Variants in SNX25 observed in about 807,000 individuals in gnomAD.
SNX25 encodes the protein sorting nexin-25.
Under a neutral mutation model 113.7 loss-of-function variants are expected in SNX25, and 62 were observed. That is an observed-to-expected ratio of 0.55 (90% confidence interval 0.44 to 0.67). The LOEUF (loss-of-function observed/expected upper bound fraction) is 0.67. SNX25 is among the 30% of genes least tolerant of loss of function. The pLI, the probability that SNX25 is intolerant of heterozygous loss-of-function variation, is 0.00. For synonymous variants in SNX25, 421 were observed against 436.2 expected (o/e 0.97, Z 0.43); for missense variants, 1,014 against 1,161.0 (o/e 0.87, Z 1.84).
intron 14 of SNX25, among the ~76,000 whole-genome samples, chr4:185,352,046 C>G (rs552211818): frequency 1.8e-4 from 28 of 152,026 alleles, no homozygotes; most frequent in Non-Finnish European, 4.0e-4. Flanking sequence ...TGGGGAGGGG[C>G]AAGGTTCACG....
At position 185,215,674 on chromosome 4, in the gene SNX25, G is replaced by A. The variant is rs114343930; in HGVS notation, c.429+5419G>A. Reference sequence around the variant, plus strand: ...TTTACTGTCTTTAGAATATTCTTTTGCGTTTTAACTGGGGGATTTCAGTCA... The same window carrying A: ...TTTACTGTCTTTAGAATATTCTTTTACGTTTTAACTGGGGGATTTCAGTCA... On this transcript the variant is annotated intron_variant, in intron 1 of 18. Coordinates refer to ENST00000652585, the MANE Select transcript of SNX25 (RefSeq NM_001378034.2). Among the ~76,000 whole-genome samples the A allele has an allele frequency of 4.0e-3, 614 of 152,032 alleles. 4 individuals are homozygous for A. Among genetic ancestry groups the A allele is most frequent in the African/African-American group, 0.014 (592 of 41,464 alleles).
chr4:185,212,737 T>A (rs925764513), intron 1 of SNX25, among the ~76,000 whole-genome samples: 1 of 152,206 alleles, frequency 6.6e-6, no homozygotes, highest in African/African-American at 2.4e-5. Flanking sequence ...GTCAGTGCTG[T>A]GGGAGCTGGA....
At chr4:185,234,828 G>A (rs72708019) in intron 1 of SNX25, among the ~76,000 whole-genome samples, 15,277 of 152,052 alleles carry the variant, frequency 0.1, 869 homozygotes, top group Non-Finnish European at 0.13. Flanking sequence ...AATTTAAATA[G>A]TGCAGACATT....
intron 9 of SNX25, among the ~76,000 whole-genome samples, chr4:185,327,899 C>T (rs1248959574): frequency 6.6e-6 from 1 of 152,122 alleles, no homozygotes; most frequent in Non-Finnish European, 1.5e-5. Flanking sequence ...TTATAGTATT[C>T]GGCAGAGATA....
chr4:185,315,292 AT>A (rs56655112), intron 7 of SNX25, among the ~76,000 whole-genome samples: 21,218 of 119,256 alleles, frequency 0.18, 1,969 homozygotes, highest in African/African-American at 0.33. Flanking sequence ...TTCACTGGTG[AT>A]TTTTTTTTTT....
chr4:185,274,997 C>G (rs1049639463), intron 5 of SNX25, among the ~76,000 whole-genome samples: 3 of 152,082 alleles, frequency 2.0e-5, no homozygotes, highest in Non-Finnish European at 4.4e-5. Flanking sequence ...GGGTTTTCTT[C>G]AAGTGTGGAG....
At chr4:185,337,990 A>G (rs1037329713) in intron 10 of SNX25, among the ~76,000 whole-genome samples, 4 of 152,108 alleles carry the variant, frequency 2.6e-5, no homozygotes, top group African/African-American at 9.7e-5. Context: ...TGTCTATTCA[A>G]ATCCTTTGTG....
At chr4:185,369,810 G>A (rs1390590752) in exon 12 of SNX25, 1 of 426,098 alleles carries the variant, frequency 2.3e-6, no homozygotes, top group Admixed American at 2.8e-5. Flanking sequence ...TCTGAAATAA[G>A]GCCTGAACTT....
chr4:185,290,764 A>G (rs76969974), intron 6 of SNX25, among the ~76,000 whole-genome samples: 3,264 of 152,320 alleles, frequency 0.021, 122 homozygotes, highest in African/African-American at 0.075. Context: ...TCTGCCTAAA[A>G]TGATCAAAAA....
Position 185,210,928 on chromosome 4 carries a change from T to A in SNX25, c.429+673T>A, listed in dbSNP as rs1737682443. 6.6e-6 allele frequency among the ~76,000 whole-genome samples: 1 copy of A among 152,120 alleles called. No individual in the cohort carries two copies. The highest frequency in any genetic ancestry group is 1.9e-4 in the East Asian group (1 of 5,188). ...GGTTAGGGAATGTAGGAAAGAACAGTGTTTTAAATGAGCGCTTCTCTTCTT... is the reference window on the plus strand; with the variant it reads ...GGTTAGGGAATGTAGGAAAGAACAGAGTTTTAAATGAGCGCTTCTCTTCTT... On this transcript the variant is annotated intron_variant, in intron 1 of 18. Coordinates refer to ENST00000652585, the MANE Select transcript of SNX25 (RefSeq NM_001378034.2). This position sits in a 1 kb window ranked among gnomAD's most constrained non-coding sequence, Gnocchi z 4.4.
intron 10 of SNX25, among the ~76,000 whole-genome samples, chr4:185,336,546 A>G (rs995165336): frequency 6.6e-6 from 1 of 152,210 alleles, no homozygotes; most frequent in Non-Finnish European, 1.5e-5. Context: ...TATACAGACT[A>G]CATTTTCCAC....
intron 10 of SNX25, among the ~76,000 whole-genome samples, chr4:185,337,451 A>C (rs986665196): frequency 1.3e-5 from 2 of 152,124 alleles, no homozygotes; most frequent in African/African-American, 4.8e-5. Flanking sequence ...ATCATATTTC[A>C]TTACATGTTT....
At chr4:185,304,712 C>T (rs1246096500) in intron 6 of SNX25, among the ~76,000 whole-genome samples, 27 of 152,148 alleles carry the variant, frequency 1.8e-4, no homozygotes. Context: ...TGGTTTTAAA[C>T]TCCTGGCCTC....
chr4:185,256,436 T>C (rs1363058477), intron 2 of SNX25, among the ~76,000 whole-genome samples: 1 of 152,142 alleles, frequency 6.6e-6, no homozygotes, highest in Non-Finnish European at 1.5e-5. Context: ...AAACATTGAA[T>C]ATACTTCCAT....
chr4:185,361,162 C>T (rs1323451907), intron 16 of SNX25, among the ~76,000 whole-genome samples: 1 of 152,200 alleles, frequency 6.6e-6, no homozygotes, highest in African/African-American at 2.4e-5. Context: ...TCCGAGTATC[C>T]TGCCCAGCAT....
chr4:185,214,661 C>CTGA (rs1485426521), intron 1 of SNX25, among the ~76,000 whole-genome samples: 4 of 152,174 alleles, frequency 2.6e-5, no homozygotes, highest in Non-Finnish European at 5.9e-5. Context: ...TAATGAAAGA[C>CTGA]TTCAAAGTTT....
chr4:185,375,487 A>AAAAAAAAAAATATATATAT, the SNX25 span: 2 of 12,010 alleles, frequency 1.7e-4, no homozygotes, highest in Non-Finnish European at 2.9e-4. Context: ...AAAAAAAAAA[A>AAAAAAAAAAATATATATAT]ATATATATAT....
At chr4:185,332,097 A>G (rs189714844) in intron 9 of SNX25, among the ~76,000 whole-genome samples, 115 of 152,334 alleles carry the variant, frequency 7.5e-4, no homozygotes, top group African/African-American at 1.7e-3. Flanking sequence ...TAATATACCT[A>G]TTGATTTGTA....
At chr4:185,324,431 C>G (rs1262247803) in intron 9 of SNX25, among the ~76,000 whole-genome samples, 1 of 152,178 alleles carries the variant, frequency 6.6e-6, no homozygotes, top group Non-Finnish European at 1.5e-5. Flanking sequence ...CTCTCTCTTA[C>G]AGACTAAAGA....
Sources: allele counts gnomAD v4.1 joint callset (sites outside exome capture counted in the v4.1 genomes callset), GRCh38; gene constraint gnomAD v4.1.1; non-coding constraint Gnocchi (gnomAD v3.1); transcripts MANE v1.5; gene names NCBI Gene and HGNC (gene_info 2026-07-23, HGNC 2026-07-21).